Variants in GNG4 observed in about 807,000 individuals in gnomAD.
GNG4 encodes guanine nucleotide-binding protein G(I)/G(S)/G(O) subunit gamma-4.
Under a neutral mutation model 5.8 loss-of-function variants are expected in GNG4, and 4 were observed. The observed-to-expected ratio is 0.69, with a 90% confidence interval of 0.34 to 1.57. GNG4 has a LOEUF of 1.57. Among genes scored for constraint, GNG4 ranks in the 40% most tolerant of loss-of-function variants. The pLI is 0.06. For synonymous variants in GNG4, 29 were observed against 32.9 expected, an observed-to-expected ratio of 0.88 and a Z score of 0.41; for missense variants, 96 against 95.1, an observed-to-expected ratio of 1.01 and a Z score of -0.04.
At chr1:235,560,558 A>G (rs1687031599) in intron 3 of GNG4, among the ~76,000 whole-genome samples, 1 of 152,308 alleles carries the variant, frequency 6.6e-6, no homozygotes, top group East Asian at 1.9e-4. Context: ...GCCAACTGAA[A>G]CATAAGCACA....
chr1:235,594,827 C>T (rs893584593), intron 2 of GNG4, among the ~76,000 whole-genome samples: 1 of 152,210 alleles, frequency 6.6e-6, no homozygotes, highest in Non-Finnish European at 1.5e-5. Context: ...GGAAGGGGCT[C>T]CCACAGTGCA....
At chr1:235,620,677 A>G (rs1001689540) in intron 1 of GNG4, among the ~76,000 whole-genome samples, 4 of 152,114 alleles carry the variant, frequency 2.6e-5, no homozygotes, top group Admixed American at 6.5e-5. Context: ...CTGGGACTAC[A>G]GGTGCCCGCC....
intron 2 of GNG4, among the ~76,000 whole-genome samples, chr1:235,594,648 G>T (rs111338211): frequency 2.0e-5 from 3 of 152,170 alleles, no homozygotes; most frequent in Non-Finnish European, 4.4e-5. Context: ...GCCCCTCACT[G>T]CCCGGGGCTT....
At chr1:235,641,487 T>C (rs1222761709) in intron 1 of GNG4, among the ~76,000 whole-genome samples, 7 of 152,172 alleles carry the variant, frequency 4.6e-5, no homozygotes, top group Non-Finnish European at 8.8e-5. Context: ...GGTCAGGAGT[T>C]CTAGACCAGC....
At position 235,583,813 on chromosome 1, in the gene GNG4, C is replaced by A; in HGVS notation, c.26G>T (p.Ser9Ile). 1 of 1,613,382 alleles carries A rather than the reference C, an allele frequency of 6.2e-7. No individual in the cohort carries two copies. Among genetic ancestry groups the A allele is most frequent in the South Asian group, 1.1e-5 (1 of 91,048 alleles). ...CCTGGCTTGGGAGATGCTAGTGGTGCTGTTATTAGACATGCCCTCTTTCAT... is the reference window on the plus strand; with the variant it reads ...CCTGGCTTGGGAGATGCTAGTGGTGATGTTATTAGACATGCCCTCTTTCAT... MKEGMSNN[S>I]TTSISQARKA... is the part of the protein sequence containing the mutation. The change falls in exon 3 of 4, where the codon AGC becomes ATC. Residue 9 changes from serine (S) to isoleucine (I), a missense_variant. Ser to Ile is a moderately radical substitution (Grantham distance 142). Coordinates refer to ENST00000391854, the MANE Select transcript of GNG4 (RefSeq NM_001098722.2).
rs757446206 is a variant in GNG4, at chr1:235,583,749, G to A, written c.90C>T (p.Asp30=). ...VEQLKMEACM[D]RVKVSQAAAD... is the part of the protein sequence containing the mutation. ...ACGCATGCATGCTTACCTTGACCCT[G>A]TCCATACAGGCTTCCATCTTTAGCT... The change falls in exon 3 of 4, where the codon GAC becomes GAT. Residue 30 remains aspartate (D), a synonymous_variant. Coordinates refer to ENST00000391854, the MANE Select transcript of GNG4 (RefSeq NM_001098722.2). 1 of 1,608,992 alleles carries A rather than the reference G, an allele frequency of 6.2e-7. No individual in the cohort carries two copies. Among genetic ancestry groups the A allele is most frequent in the Non-Finnish European group, 8.5e-7 (1 of 1,175,350 alleles).
At chr1:235,594,199 C>T (rs1246212688) in intron 2 of GNG4, among the ~76,000 whole-genome samples, 7 of 152,176 alleles carry the variant, frequency 4.6e-5, no homozygotes, top group South Asian at 2.1e-4. Flanking sequence ...TACAGAGTGT[C>T]GATTGATGCA....
At chr1:235,634,588 C>T (rs1688993506) in intron 1 of GNG4, among the ~76,000 whole-genome samples, 2 of 152,188 alleles carry the variant, frequency 1.3e-5, no homozygotes, top group Admixed American at 1.3e-4. Flanking sequence ...TTTCTTTCTG[C>T]TTTCCCTTGC....
intron 1 of GNG4, among the ~76,000 whole-genome samples, chr1:235,632,111 G>A (rs1162814824): frequency 6.6e-6 from 1 of 152,074 alleles, no homozygotes; most frequent in Non-Finnish European, 1.5e-5. Flanking sequence ...TAAGAGACAG[G>A]TTCTTGCTCT....
intron 1 of GNG4, among the ~76,000 whole-genome samples, chr1:235,647,343 CAAAATTCCA>C (rs1331633907): frequency 6.6e-6 from 1 of 151,666 alleles, no homozygotes; most frequent in Non-Finnish European, 1.5e-5. Flanking sequence ...GTTACTACTT[CAAAATTCCA>C]CGAAGAAAGG....
At chr1:235,631,444 G>A (rs1434306708) in intron 1 of GNG4, among the ~76,000 whole-genome samples, 1 of 152,204 alleles carries the variant, frequency 6.6e-6, no homozygotes, top group Non-Finnish European at 1.5e-5. Flanking sequence ...CACCGTCCTG[G>A]AGCATGCAGC....
In GNG4 at chr1:235,592,050, C is replaced by T. The variant is rs144712292; in HGVS notation, c.-11+3350G>A. Among the ~76,000 whole-genome samples the T allele has an allele frequency of 4.3e-3, 661 of 152,296 alleles. 3 individuals are homozygous for T. The highest frequency in any genetic ancestry group is 0.015 in the African/African-American group (633 of 41,558). ...ACAATAGCCAAGGAAGCTAGAATTA[C>T]GAGATGTTTGGTTTCCCTATAGAAA... is the stretch of plus-strand genomic sequence containing the variant. On this transcript the variant is annotated intron_variant, in intron 2 of 3. Transcript: ENST00000391854.
At chr1:235,597,588 C>CTG (rs386417904) in intron 1 of GNG4, among the ~76,000 whole-genome samples, 2,264 of 74,124 alleles carry the variant, frequency 0.031, 72 homozygotes, top group African/African-American at 0.079. Flanking sequence ...AACTTGTTTG[C>CTG]TGTGTGTGTG....
intron 3 of GNG4, among the ~76,000 whole-genome samples, chr1:235,554,983 T>C: frequency 6.6e-6 from 1 of 152,180 alleles, no homozygotes; most frequent in African/African-American, 2.4e-5. Context: ...ATCCTCGTTA[T>C]GTCATTCAGA....
intron 3 of GNG4, among the ~76,000 whole-genome samples, chr1:235,552,452 A>G (rs1436813112): frequency 1.3e-5 from 2 of 152,174 alleles, no homozygotes; most frequent in East Asian, 3.9e-4. Flanking sequence ...CTGCCCTCGC[A>G]TGGCAGGCCA....
rs140047945 is a variant in GNG4 at position 235,590,917 on chromosome 1, A to G, written c.-11+4483T>C. Among the ~76,000 whole-genome samples the G allele has an allele frequency of 3.7e-3, 558 of 152,194 alleles. 4 individuals are homozygous for G. Among genetic ancestry groups the G allele is most frequent in the African/African-American group, 0.013 (525 of 41,518 alleles). ...GGGCTGTCTCAACTAGTCCTTTTTG[A>G]ATTTTAACGTGCATATGAATCACCT... On this transcript the variant is annotated intron_variant, in intron 2 of 3. Transcript: ENST00000391854.
At position 235,549,349 on chromosome 1, in the gene GNG4, GA is replaced by G; in HGVS notation, c.*2759del. 1.3e-5 allele frequency: 2 copies of G among 152,424 alleles called. No individual in the cohort carries two copies. Among genetic ancestry groups the G allele is most frequent in the Non-Finnish European group, 2.9e-5 (2 of 68,162 alleles). The allele number at this position is 152,424 out of a possible 1,614,324, so 9.4% of individuals were successfully genotyped here. ...AAGGTAAGGAAGAGAGGAGGAAAAGGAAAAGGAGAGAGAACAAAACGGAGGC... is the reference window on the plus strand; with the variant it reads ...AAGGTAAGGAAGAGAGGAGGAAAAGGAAAGGAGAGAGAACAAAACGGAGGC... On this transcript the variant is annotated 3_prime_UTR_variant, in exon 4 of 4. Coordinates refer to ENST00000391854, the MANE Select transcript of GNG4 (RefSeq NM_001098722.2).
At chr1:235,647,791 C>T (rs952423799) in intron 1 of GNG4, among the ~76,000 whole-genome samples, 2 of 152,174 alleles carry the variant, frequency 1.3e-5, no homozygotes, top group African/African-American at 4.8e-5. Context: ...TGCACCACCA[C>T]GCCCGCCTAA....
chr1:235,643,169 A>T (rs1401038966), intron 1 of GNG4, among the ~76,000 whole-genome samples: 1 of 152,104 alleles, frequency 6.6e-6, no homozygotes, highest in Non-Finnish European at 1.5e-5. Flanking sequence ...CTGCCTGACA[A>T]TGGCCCTGGA....
Sources: gnomAD v4.1 joint callset for allele counts (sites outside exome capture counted in the v4.1 genomes callset) on GRCh38, gnomAD v4.1.1 for gene constraint, MANE v1.5 for transcripts, NCBI Gene and HGNC (gene_info 2026-07-23, HGNC 2026-07-21) for gene names.